Variants in AHCTF1 observed in about 807,000 individuals in gnomAD.
AHCTF1 encodes AT-hook containing transcription factor 1.
In AHCTF1, 24 loss-of-function variants were observed where a neutral mutation model predicts 248.4. The ratio of observed to expected loss-of-function variants is 0.10; its 90% CI spans 0.07 to 0.14. AHCTF1 has a LOEUF of 0.14. Among genes scored for constraint, AHCTF1 ranks in the 10% least tolerant of loss-of-function variants. The probability of loss-of-function intolerance (pLI) is 1.00; values close to 1 mark genes in which losing one functional copy is unlikely to be tolerated. For missense variants in AHCTF1, 2,206 were observed against 2,636.2 expected (o/e 0.84, Z 3.57); for synonymous variants, 786 against 929.8 (o/e 0.85, Z 2.81).
intron 30 of AHCTF1, among the ~76,000 whole-genome samples, chr1:246,856,315 G>A (rs1661108547): frequency 6.6e-6 from 1 of 152,178 alleles, no homozygotes; most frequent in Non-Finnish European, 1.5e-5. Context: ...TGATGACAGT[G>A]TTCCTTTAAT....
intron 32 of AHCTF1, 103 bp from the exon 33 acceptor site, chr1:246,851,545 C>T (rs751345811): frequency 3.9e-6 from 4 of 1,018,596 alleles, no homozygotes; most frequent in Admixed American, 2.9e-5. Flanking sequence ...CCTTTTAAAA[C>T]ATAAATTATA....
chr1:246,844,596 C>T (rs541093029), intron 33 of AHCTF1, among the ~76,000 whole-genome samples: 6 of 152,198 alleles, frequency 3.9e-5, no homozygotes, highest in South Asian at 4.2e-4. Flanking sequence ...TGGTGGTGCA[C>T]GCCTGTGGTG....
At chr1:246,860,878 T>A (rs1408818873) in intron 29 of AHCTF1, 21 bp downstream of exon 29, 7 of 1,588,914 alleles carry the variant, frequency 4.4e-6, no homozygotes, top group Non-Finnish European at 6.0e-6. Flanking sequence ...CAATTTTGAG[T>A]ATTCAGAAAT....
chr1:246,871,915 A>G (rs1029582233), intron 24 of AHCTF1, among the ~76,000 whole-genome samples: 1 of 152,076 alleles, frequency 6.6e-6, no homozygotes, highest in African/African-American at 2.4e-5. Context: ...CAACACAAAC[A>G]TGTGAACTTT....
intron 4 of AHCTF1, among the ~76,000 whole-genome samples, chr1:246,910,274 G>A (rs1320492071): frequency 6.6e-6 from 1 of 152,214 alleles, no homozygotes; most frequent in African/African-American, 2.4e-5. Flanking sequence ...GAGGATTGCT[G>A]TACGTTCAAG....
chr1:246,857,858 A>G, intron 29 of AHCTF1, 44 bp from the exon 30 acceptor site: 1 of 1,535,952 alleles, frequency 6.5e-7, no homozygotes, highest in Non-Finnish European at 8.9e-7. Flanking sequence ...CTAAATATTT[A>G]GTGATTACTG....
At chr1:246,869,115 T>A (rs1037686498) in intron 24 of AHCTF1, among the ~76,000 whole-genome samples, 1 of 151,684 alleles carries the variant, frequency 6.6e-6, no homozygotes, top group Non-Finnish European at 1.5e-5. Context: ...AAGTGCTGGA[T>A]TACAGGCGTG....
At position 246,876,986 on chromosome 1, in the gene AHCTF1, G is replaced by A. The variant is rs1194089978; in HGVS notation, c.2901C>T (p.Ala967=). 1 of 1,611,972 alleles carries A rather than the reference G, an allele frequency of 6.2e-7. No individual in the cohort carries two copies. Among genetic ancestry groups the A allele is most frequent in the Non-Finnish European group, 8.5e-7 (1 of 1,179,888 alleles). The change falls in exon 23 of 36, where the codon GCC becomes GCT. Residue 967 remains alanine, a synonymous_variant. Coordinates refer to ENST00000648844, the MANE Select transcript of AHCTF1 (RefSeq NM_001323342.2). ...HHLQRANYVP[A]LKLNQTLKIN... ...TCTTCAGAGTTTGGTTCAGCTTCAA[G>A]GCAGGCACATAATTGGCACGCTGCA... is the stretch of plus-strand genomic sequence containing the variant.
intron 17 of AHCTF1, 27 bp downstream of exon 17, chr1:246,889,939 G>A (rs372860043): frequency 1.4e-5 from 21 of 1,549,124 alleles, no homozygotes; most frequent in Non-Finnish European, 1.9e-5. Flanking sequence ...TCTTACAGAT[G>A]TAATTTCTAA....
At chr1:246,894,479 C>G (rs1360328903) in intron 14 of AHCTF1, among the ~76,000 whole-genome samples, 180 bp downstream of exon 14, 2 of 151,980 alleles carry the variant, frequency 1.3e-5, no homozygotes, top group Admixed American at 1.3e-4. Context: ...GGAGGTGGAG[C>G]CTGCAGTGAG....
rs774461984 is a variant in AHCTF1, at chr1:246,860,970, T to G, written c.4061A>C (p.Gln1354Pro). ...ATCTTTATCTCCATCCTTTTCAGTT[T>G]GTTCAGTTACATTAGTAGTTAGTGC... is the stretch of plus-strand genomic sequence containing the variant. ...STALTTNVTE[Q>P]TEKDGDKDVF... The change falls in exon 29 of 36, where the codon CAA (glutamine) becomes CCA (proline). Residue 1354 changes from glutamine to proline, a missense_variant. Coordinates refer to ENST00000648844, the MANE Select transcript of AHCTF1 (RefSeq NM_001323342.2). The G allele has an allele frequency of 1.9e-6, 3 of 1,613,870 alleles. 1 individual carries two copies. In the South Asian group the frequency reaches 3.3e-5, roughly 18 times the overall value.
chr1:246,931,227 C>A, intron 1 of AHCTF1: 2 of 1,550,234 alleles, frequency 1.3e-6, no homozygotes, highest in Non-Finnish European at 1.7e-6. Context: ...ACGAGTCCAT[C>A]GCGTGGGAGA....
chr1:246,930,983 C>T, intron 1 of AHCTF1: 1 of 1,197,274 alleles, frequency 8.4e-7, no homozygotes, highest in South Asian at 1.8e-5. Flanking sequence ...CAAAAGAAAC[C>T]GTCCTGTTTC....
chr1:246,867,908 C>A (rs1453197500), intron 24 of AHCTF1, 97 bp from the exon 25 acceptor site: 3 of 464,570 alleles, frequency 6.5e-6, no homozygotes, highest in Non-Finnish European at 1.0e-5. Context: ...CCCCCACACA[C>A]ACACACACAC....
intron 33 of AHCTF1, among the ~76,000 whole-genome samples, chr1:246,846,944 T>TG (rs1207944887): frequency 2.6e-5 from 4 of 152,034 alleles, no homozygotes; most frequent in Non-Finnish European, 5.9e-5. Context: ...TTTGTAGAGA[T>TG]GGGGTCCCAC....
intron 33 of AHCTF1, among the ~76,000 whole-genome samples, chr1:246,846,123 G>C (rs1472874677): frequency 6.8e-6 from 1 of 147,700 alleles, no homozygotes; most frequent in Non-Finnish European, 1.5e-5. Flanking sequence ...TAGGTATATA[G>C]CAGGCCCTTC....
chr1:246,854,644 A>C (rs1268108823), intron 31 of AHCTF1, among the ~76,000 whole-genome samples: 1 of 152,244 alleles, frequency 6.6e-6, no homozygotes, highest in Non-Finnish European at 1.5e-5. Context: ...AACTTCAGGT[A>C]CCAAGCGCTA....
chr1:246,849,244 C>T (rs570232842), intron 33 of AHCTF1, among the ~76,000 whole-genome samples: 1 of 152,232 alleles, frequency 6.6e-6, no homozygotes, highest in East Asian at 1.9e-4. Flanking sequence ...AAAACAATTT[C>T]GGGTTGTGGA....
intron 1 of AHCTF1, among the ~76,000 whole-genome samples, chr1:246,919,478 C>G (rs1284211494): frequency 6.6e-6 from 1 of 150,440 alleles, no homozygotes; most frequent in Non-Finnish European, 1.5e-5. Flanking sequence ...CTTTGGGAGG[C>G]TGAGGCAGGC....
Sources: gnomAD v4.1 joint callset for allele counts (sites outside exome capture counted in the v4.1 genomes callset) on GRCh38, gnomAD v4.1.1 for gene constraint, MANE v1.5 for transcripts, NCBI Gene and HGNC (gene_info 2026-07-23, HGNC 2026-07-21) for gene names.